The following CACNA2D4 variants were observed in gnomAD, a reference collection of about 807,000 sequenced individuals.
CACNA2D4 encodes calcium voltage-gated channel auxiliary subunit alpha2delta 4.
A neutral mutation model predicts 163.8 loss-of-function variants in CACNA2D4; 157 were observed. That is an observed-to-expected ratio of 0.96 (90% CI 0.84 to 1.09). The LOEUF (loss-of-function observed/expected upper bound fraction) is 1.09, where lower values mean the gene tolerates loss of function less well. Among genes scored for constraint, CACNA2D4 ranks in the 50% least tolerant of loss-of-function variants. The probability of loss-of-function intolerance (pLI) is 0.00; values close to 1 mark genes in which losing one functional copy is unlikely to be tolerated. For synonymous variants in CACNA2D4, 598 were observed against 586.9 expected, an observed-to-expected ratio of 1.02 and a Z score of -0.27; for missense variants, 1,410 against 1,479.9, an observed-to-expected ratio of 0.95 and a Z score of 0.78.
At chr12:1,910,983 T>C (rs1279743126) in intron 3 of CACNA2D4, among the ~76,000 whole-genome samples, 1 of 151,858 alleles carries the variant, frequency 6.6e-6, no homozygotes, top group Non-Finnish European at 1.5e-5. Context: ...ACACTTTAAA[T>C]GGTCAACTTT....
In CACNA2D4 at chr12:1,856,225, C is replaced by T; in HGVS notation, c.2013G>A (p.Leu671=). Reference sequence around the variant, plus strand: ...CCAGGTCTGGGTGAAGCAAGTCATGCAGGCCTGAAACCAGAGTCCACATTC... The same window carrying T: ...CCAGGTCTGGGTGAAGCAAGTCATGTAGGCCTGAAACCAGAGTCCACATTC... The part of the protein sequence containing the change: ...LLGNTSVEEG[L]HDLLHPDLAL... The change falls in exon 21 of 38, where the codon CTG becomes CTA. Residue 671 remains leucine (L), a synonymous_variant. Coordinates refer to ENST00000382722, the MANE Select transcript of CACNA2D4 (RefSeq NM_172364.5). The T allele has an allele frequency of 6.2e-7, 1 of 1,614,042 alleles. No individual in the cohort carries two copies. Among genetic ancestry groups the T allele is most frequent in the Non-Finnish European group, 8.5e-7 (1 of 1,179,890 alleles).
intron 13 of CACNA2D4, among the ~76,000 whole-genome samples, chr12:1,882,598 G>A (rs530456800): frequency 4.7e-4 from 71 of 152,152 alleles, no homozygotes; most frequent in South Asian, 8.3e-4. Flanking sequence ...GAACAACTTC[G>A]GAGCAGGGAC....
At position 1,844,402 on chromosome 12, in the gene CACNA2D4, C is replaced by T. The variant is rs757794851; in HGVS notation, c.2470G>A (p.Glu824Lys). 14 of 1,613,274 alleles carry T rather than the reference C, an allele frequency of 8.7e-6. No individual in the cohort carries two copies. In the African/African-American group the frequency reaches 1.9e-4, roughly 22 times the overall value. ...VFNLRWAEGP[E>K]SAGEPMVVTA... is the part of the protein sequence containing the mutation. ...CCGGGAGCACCGGGCTGTGTGTTAC[C>T]TGGTCCTTCTGCCCAGCGGAGGTTG... is the stretch of plus-strand genomic sequence containing the variant. Residue 824 changes from glutamate to lysine, a missense_variant and splice_region_variant, in exon 25 of 38, where the codon GAA becomes AAA. By Grantham distance (56) the Glu-to-Lys change is moderately conservative. Coordinates refer to ENST00000382722, the MANE Select transcript of CACNA2D4 (RefSeq NM_172364.5). This position sits in a 1 kb window ranked among gnomAD's most constrained non-coding sequence, Gnocchi z 4.2.
rs1235633368 is a variant in CACNA2D4, at chr12:1,799,714, C to A, written c.2975-19G>T. 4 of 1,568,042 alleles carry A rather than the reference C, an allele frequency of 2.6e-6. No homozygotes were observed. In the African/African-American group the frequency reaches 5.4e-5, roughly 21 times the overall value. ...CTTTTGGCTGGCCGGAACATAAGCC[C>A]AGCACAGGGTGGACACGGCACAGGA... is the stretch of plus-strand genomic sequence containing the variant. On this transcript the variant is annotated intron_variant, in intron 33 of 37. Coordinates refer to ENST00000382722, the MANE Select transcript of CACNA2D4 (RefSeq NM_172364.5). The surrounding 1 kb of genome is among the most constrained non-coding windows in gnomAD (Gnocchi z 4.7).
At chr12:1,884,928 C>G (rs768354539) in intron 10 of CACNA2D4, 47 bp from the exon 11 acceptor site, 2 of 1,601,198 alleles carry the variant, frequency 1.2e-6, no homozygotes, top group African/African-American at 1.3e-5. Context: ...AAGCCCACCC[C>G]CCTCCACCTG....
At chr12:1,902,265 G>A (rs908739941) in intron 6 of CACNA2D4, among the ~76,000 whole-genome samples, 5 of 151,920 alleles carry the variant, frequency 3.3e-5, no homozygotes, top group Non-Finnish European at 5.9e-5. Flanking sequence ...CATATTAGAT[G>A]GGGAAAGACT....
rs747698661 is a variant in CACNA2D4, at chr12:1,793,656, C to T, written c.3413G>A (p.Ter1138=). ...AAACACAGGTCAGGCTGGGTGGTGT[C>T]ACCGCAGGAGTTGGGGCAGTAGCCC... The part of the protein sequence containing the change: ...AWGLLPQLLR[*] The change falls in exon 38 of 38, where the codon TGA becomes TAA. Residue 1138 remains the stop codon, a stop_retained_variant. Coordinates refer to ENST00000382722, the MANE Select transcript of CACNA2D4 (RefSeq NM_172364.5). The T allele has an allele frequency of 1.1e-5, 18 of 1,613,386 alleles. No homozygotes were observed. The East Asian group carries it at 4.0e-4, about 36-fold the overall frequency.
chr12:1,879,828 TG>T lies in CACNA2D4; in HGVS notation c.1538del (p.Pro513GlnfsTer25). On this transcript the variant is annotated frameshift_variant, in exon 14 of 38. Transcript: ENST00000382722. LOFTEE classifies it high-confidence loss of function. ...SLTLLTTVAM[P>X]VFSKKNETRS... ...CCGTTTCGTTCTTCTTGCTGAAGAC[TG>T]GCATGGCCACAGTGGTGAGCAGTGT... 1 of 1,603,422 alleles carries T rather than the reference TG, an allele frequency of 6.2e-7. No homozygotes were observed. Among genetic ancestry groups the T allele is most frequent in the Non-Finnish European group, 8.5e-7 (1 of 1,175,074 alleles).
At chr12:1,894,893 C>A (rs1187740464) in intron 6 of CACNA2D4, among the ~76,000 whole-genome samples, 1 of 152,138 alleles carries the variant, frequency 6.6e-6, no homozygotes, top group Non-Finnish European at 1.5e-5. Context: ...CCAGAGCAAT[C>A]AGGCAATAGA....
At chr12:1,824,438 G>GCCTC (rs1349291175) in intron 26 of CACNA2D4, among the ~76,000 whole-genome samples, 1 of 152,152 alleles carries the variant, frequency 6.6e-6, no homozygotes, top group Non-Finnish European at 1.5e-5. Context: ...TCATTTGACT[G>GCCTC]CTTTGAGCTC....
chr12:1,911,661 A>G (rs1322570612), intron 3 of CACNA2D4, among the ~76,000 whole-genome samples: 1 of 152,178 alleles, frequency 6.6e-6, no homozygotes, highest in East Asian at 1.9e-4. Context: ...CCTCAGAGAA[A>G]GTCTGCAGAG....
chr12:1,844,619 G>T lies in CACNA2D4; in HGVS notation c.2343-90C>A. On this transcript the variant is annotated intron_variant, in intron 24 of 37. Coordinates refer to ENST00000382722, the MANE Select transcript of CACNA2D4 (RefSeq NM_172364.5). This position sits in a 1 kb window ranked among gnomAD's most constrained non-coding sequence, Gnocchi z 4.2. ...TCTCACACAAGGTCAACTTGGCTGG[G>T]CTAAGAGAGTGATTTTAGCCCCTAA... 1 of 1,411,318 alleles carries T rather than the reference G, an allele frequency of 7.1e-7. No homozygotes were observed. Among genetic ancestry groups the T allele is most frequent in the Non-Finnish European group, 9.7e-7 (1 of 1,028,364 alleles). 87.4% of individuals were successfully genotyped at this position (1,411,318 alleles called of 1,614,324 possible).
intron 6 of CACNA2D4, among the ~76,000 whole-genome samples, chr12:1,888,212 A>T (rs1025824291): frequency 6.6e-6 from 1 of 152,148 alleles, no homozygotes; most frequent in South Asian, 2.1e-4. Context: ...TGATCCTTAG[A>T]ACAGCAATGA....
At position 1,799,200 on chromosome 12, in the gene CACNA2D4, G is replaced by A. The variant is rs539454647; in HGVS notation, c.2995+475C>T. ...CCCTGCACGTGTGGCCACAGCCACC[G>A]GGCTTTGTGTTGGGGCCTCTCATGG... is the stretch of plus-strand genomic sequence containing the variant. On this transcript the variant is annotated intron_variant, in intron 34 of 37. Coordinates refer to ENST00000382722, the MANE Select transcript of CACNA2D4 (RefSeq NM_172364.5). This position sits in a 1 kb window ranked among gnomAD's most constrained non-coding sequence, Gnocchi z 4.7. Among the ~76,000 whole-genome samples, 2 of 152,220 alleles carry A rather than the reference G, an allele frequency of 1.3e-5. No individual in the cohort carries two copies. The highest frequency in any genetic ancestry group is 4.8e-5 in the African/African-American group (2 of 41,466).
At chr12:1,891,029 G>GGA (rs1866269070) in intron 6 of CACNA2D4, among the ~76,000 whole-genome samples, 8 of 152,090 alleles carry the variant, frequency 5.3e-5, no homozygotes, top group African/African-American at 1.9e-4. Context: ...CATCACCTTT[G>GGA]CCACACCCAC....
intron 23 of CACNA2D4, among the ~76,000 whole-genome samples, chr12:1,847,844 A>G (rs1865183836): frequency 1.4e-5 from 2 of 139,300 alleles, no homozygotes. Context: ...ATTTTAATTT[A>G]TACAATCAAA....
chr12:1,879,110 G>A (rs865797449), intron 14 of CACNA2D4, 74 bp from the exon 15 acceptor site: 2 of 1,223,042 alleles, frequency 1.6e-6, no homozygotes, highest in Middle Eastern at 1.9e-4. Flanking sequence ...CCCTGGGCCT[G>A]TCCAGAGCCT....
rs904543953 is a variant in CACNA2D4, at chr12:1,820,053, A to G, written c.2552-8330T>C. Among the ~76,000 whole-genome samples the G allele has an allele frequency of 6.6e-6, 1 of 152,166 alleles. No homozygotes were observed. Among genetic ancestry groups the G allele is most frequent in the African/African-American group, 2.4e-5 (1 of 41,434 alleles). On this transcript the variant is annotated intron_variant, in intron 26 of 37. Coordinates refer to ENST00000382722, the MANE Select transcript of CACNA2D4 (RefSeq NM_172364.5). This position sits in a 1 kb window ranked among gnomAD's most constrained non-coding sequence, Gnocchi z 6.0. ...ACCCTTCTTTCGTATGACCGAGAGAAGGGTTCGGTTTTTCCTTCTCTCAGG... is the reference window on the plus strand; with the variant it reads ...ACCCTTCTTTCGTATGACCGAGAGAGGGGTTCGGTTTTTCCTTCTCTCAGG...
At chr12:1,898,680 T>C (rs1866464427) in intron 6 of CACNA2D4, among the ~76,000 whole-genome samples, 2 of 148,502 alleles carry the variant, frequency 1.3e-5, no homozygotes, top group South Asian at 4.3e-4. Flanking sequence ...CACAACTCTG[T>C]GTGTGTGTGT....
Sources: allele counts gnomAD v4.1 joint callset (sites outside exome capture counted in the v4.1 genomes callset), GRCh38; gene constraint gnomAD v4.1.1; non-coding constraint Gnocchi (gnomAD v3.1); transcripts MANE v1.5; gene names NCBI Gene and HGNC (gene_info 2026-07-23, HGNC 2026-07-21).